ZBTB4: variants seen among roughly 807,000 people sequenced by gnomAD.
The protein encoded by ZBTB4 is zinc finger and BTB domain-containing protein 4.
A neutral mutation model predicts 59.8 loss-of-function variants in ZBTB4; 14 were observed. That is an observed-to-expected ratio of 0.23 (90% confidence interval 0.15 to 0.37). ZBTB4 has a LOEUF of 0.37. Among genes scored for constraint, ZBTB4 ranks in the 10% least tolerant of loss-of-function variants. ZBTB4 has a pLI of 1.00. For missense variants in ZBTB4, 1,198 were observed against 1,380.8 expected, an observed-to-expected ratio of 0.87 and a Z score of 2.10; for synonymous variants, 587 against 575.2, an observed-to-expected ratio of 1.02 and a Z score of -0.29.
chr17:7,459,707 C>T lies in ZBTB4; in HGVS notation c.*2233G>A, dbSNP rs748393027. ...AATACATATATTTTAATCTCCACGT[C>T]GCCACAATCTCATTTGTTGCCCAGA... On this transcript the variant is annotated 3_prime_UTR_variant, in exon 4 of 4. Transcript: ENST00000380599. 3.3e-5 allele frequency: 5 copies of T among 152,446 alleles called. No individual in the cohort carries two copies. The highest frequency in any genetic ancestry group is 2.1e-4 in the South Asian group (1 of 4,828). 9.4% of individuals were successfully genotyped at this position (152,446 alleles called of 1,614,324 possible). A position where few individuals can be genotyped will look rare whatever the true frequency, so the allele number is the denominator to read the frequency against.
intron 1 of ZBTB4, among the ~76,000 whole-genome samples, chr17:7,474,700 G>A (rs1003880489): frequency 6.6e-6 from 1 of 152,098 alleles, no homozygotes; most frequent in Non-Finnish European, 1.5e-5. Context: ...CCTGGAGATA[G>A]GGATGACAAT....
At chr17:7,464,014 C>T in intron 3 of ZBTB4, 124 bp from the exon 4 acceptor site, 1 of 1,466,498 alleles carries the variant, frequency 6.8e-7, no homozygotes, top group Admixed American at 2.6e-5. Context: ...GTGCTGCCTC[C>T]CTCACCAGGC....
chr17:7,475,562 C>T (rs1340747506), intron 1 of ZBTB4, among the ~76,000 whole-genome samples: 2 of 152,024 alleles, frequency 1.3e-5, no homozygotes, highest in Admixed American at 6.6e-5. Flanking sequence ...AGCAATTCTC[C>T]TGCCTCAGCC....
rs760906795 is a variant in ZBTB4 at position 7,463,162 on chromosome 17, C to G, written c.1820G>C (p.Arg607Pro). The G allele has an allele frequency of 6.2e-7, 1 of 1,607,320 alleles. No individual in the cohort carries two copies. The highest frequency in any genetic ancestry group is 1.1e-5 in the South Asian group (1 of 90,440). ...APPPLCQITV[R>P]IGEEAIVKRR... The stretch of plus-strand genomic sequence containing the variant: ...CTTGACGATGGCCTCCTCCCCTATT[C>G]GCACAGTGATCTGACACAGTGGAGG... The change falls in exon 4 of 4, where the codon CGA becomes CCA. Residue 607 changes from arginine to proline, a missense_variant. This residue lies in a region of ZBTB4 where 550 missense variants were observed against 541.8 expected (regional missense o/e 1.02). Transcript: ENST00000380599.
At chr17:7,472,825 G>A (rs2070217017) in intron 1 of ZBTB4, among the ~76,000 whole-genome samples, 1 of 151,392 alleles carries the variant, frequency 6.6e-6, no homozygotes, top group Admixed American at 6.6e-5. Flanking sequence ...TTTATTTTTA[G>A]TAGAGATTGG....
Position 7,461,853 on chromosome 17 carries a change from C to T in ZBTB4, c.*87G>A, listed in dbSNP as rs1179700348. 1.5e-6 allele frequency: 2 copies of T among 1,292,134 alleles called. No individual in the cohort carries two copies. The highest frequency in any genetic ancestry group is 3.0e-5 in the African/African-American group (2 of 66,826). The allele number at this position is 1,292,134 out of a possible 1,614,324, so 80.0% of individuals were successfully genotyped here. On this transcript the variant is annotated 3_prime_UTR_variant, in exon 4 of 4. Coordinates refer to ENST00000380599, the MANE Select transcript of ZBTB4 (RefSeq NM_001128833.2). ...CCTGCACAAGAGTGTGAAGGGGCTCCCAAGGGGCAGGGAGGCCAGGGAGCT... is the reference window on the plus strand; with the variant it reads ...CCTGCACAAGAGTGTGAAGGGGCTCTCAAGGGGCAGGGAGGCCAGGGAGCT...
chr17:7,482,690 C>T (rs758328236), upstream of ZBTB4: 84 of 1,611,918 alleles, frequency 5.2e-5, no homozygotes, highest in Admixed American at 1.8e-4. Flanking sequence ...GGGCTCTGTG[C>T]CAGGCCTCTT....
At chr17:7,477,930 C>A (rs2070290919) in intron 1 of ZBTB4, among the ~76,000 whole-genome samples, 1 of 152,160 alleles carries the variant, frequency 6.6e-6, no homozygotes, top group Non-Finnish European at 1.5e-5. Flanking sequence ...ACAGACCCTG[C>A]AAAGATTAGC....
rs2070131212 is a variant in ZBTB4 at position 7,466,618 on chromosome 17, A to T, written c.184T>A (p.Ser62Thr). The T allele has an allele frequency of 6.2e-7, 1 of 1,613,878 alleles. No homozygotes were observed. Among genetic ancestry groups the T allele is most frequent in the African/African-American group, 1.3e-5 (1 of 75,034 alleles). Reference protein sequence around the residue: ...SPFFREALLTSAPLPLPPATG... With the variant: ...SPFFREALLTTAPLPLPPATG... ...GCTGGTGGAAGGGGTAGTGGGGCTG[A>T]AGTGAGCAGGGCCTCTCTGAAGAAG... Residue 62 changes from serine to threonine, a missense_variant, in exon 3 of 4, where the codon TCA becomes ACA. Ser to Thr is a moderately conservative substitution (Grantham distance 58). Coordinates refer to ENST00000380599, the MANE Select transcript of ZBTB4 (RefSeq NM_001128833.2). The surrounding 1 kb of genome is among the most constrained non-coding windows in gnomAD (Gnocchi z 9.1).
intron 3 of ZBTB4, 53 bp from the exon 4 acceptor site, chr17:7,463,943 G>A (rs1335280961): frequency 6.4e-7 from 1 of 1,558,942 alleles, no homozygotes; most frequent in Non-Finnish European, 8.6e-7. Context: ...TGAGTCAAGG[G>A]CCCTGAAGCC....
rs375136406 is a variant in ZBTB4, at chr17:7,463,615, G to T, written c.1367C>A (p.Pro456Gln). The change falls in exon 4 of 4, where the codon CCG becomes CAG. Residue 456 changes from proline to glutamine, a missense_variant. Physicochemically the swap from Pro to Gln is moderately conservative, Grantham distance 76. Transcript: ENST00000380599. ...CTCTGGGGCAGGTGGAGGCCCAGGC[G>T]GCGGGCTGGCTGGCATTGCCACAGG... ...PAPVAMPASP[P>Q]PGPPPAPEPG... The T allele has an allele frequency of 1.9e-6, 3 of 1,605,686 alleles. No homozygotes were observed. The highest frequency in any genetic ancestry group is 2.7e-5 in the African/African-American group (2 of 74,600).
rs557112177 is a variant in ZBTB4 at position 7,462,713 on chromosome 17, C to T, written c.2269G>A (p.Ala757Thr). ...AHGGGSHSSR[A>T]GRRPSTRFTC... is the part of the protein sequence containing the mutation. ...AAGCGGGTGGAGGGCCTCCGTCCGG[C>T]CCGGGAGCTGTGGGAGCCCCCACCG... Residue 757 changes from alanine to threonine, a missense_variant, in exon 4 of 4, where the codon GCC becomes ACC. Physicochemically the swap from Ala to Thr is moderately conservative, Grantham distance 58 (BLOSUM62 0). This residue lies in a region of ZBTB4 where 550 missense variants were observed against 541.8 expected (regional missense o/e 1.02). Coordinates refer to ENST00000380599, the MANE Select transcript of ZBTB4 (RefSeq NM_001128833.2). This position sits in a 1 kb window ranked among gnomAD's most constrained non-coding sequence, Gnocchi z 7.5. The T allele has an allele frequency of 4.4e-6, 7 of 1,604,330 alleles. No homozygotes were observed. In the African/African-American group the frequency reaches 5.3e-5, roughly 12 times the overall value.
rs1336106713 is a variant in ZBTB4 at position 7,466,753 on chromosome 17, G to A, written c.49C>T (p.Leu17=). ...VTDPSHAPAV[L]RQLNEQRLRG... ...AGCCGCTGTTCATTGAGCTGGCGCA[G>A]GACGGCGGGGGCATGGGACGGGTCC... is the stretch of plus-strand genomic sequence containing the variant. Residue 17 remains leucine, a synonymous_variant, in exon 3 of 4, where the codon CTG becomes TTG. Transcript: ENST00000380599. This position sits in a 1 kb window ranked among gnomAD's most constrained non-coding sequence, Gnocchi z 9.1. 6.3e-7 allele frequency: 1 copy of A among 1,589,982 alleles called. No homozygotes were observed. The highest frequency in any genetic ancestry group is 8.6e-7 in the Non-Finnish European group (1 of 1,169,254).
chr17:7,468,125 G>C (rs1004776503), intron 1 of ZBTB4, among the ~76,000 whole-genome samples: 2 of 152,218 alleles, frequency 1.3e-5, no homozygotes, highest in African/African-American at 2.4e-5. Flanking sequence ...AATCCCAGCA[G>C]TTTGGGAGGC....
chr17:7,461,923 G>C lies in ZBTB4; in HGVS notation c.*17C>G, dbSNP rs2070025481. On this transcript the variant is annotated 3_prime_UTR_variant, in exon 4 of 4. Transcript: ENST00000380599. ...GGGAGGGTGGCATCTGGTGAAAGGG[G>C]GATTGAGCCCCAGGGTTCACCCCAC... 6.6e-7 allele frequency: 1 copy of C among 1,523,326 alleles called. No individual in the cohort carries two copies. The allele number at this position is 1,523,326 out of a possible 1,614,324, so 94.4% of individuals were successfully genotyped here. A position where few individuals can be genotyped will look rare whatever the true frequency, so the allele number is the denominator to read the frequency against.
At chr17:7,483,421 C>A (rs1487189246), upstream of ZBTB4, 1 of 274,136 alleles carries the variant, frequency 3.6e-6, no homozygotes, top group Non-Finnish European at 7.1e-6. Flanking sequence ...GCAAAGGTTT[C>A]CTTTCCTCGT....
upstream of ZBTB4, chr17:7,482,015 C>T (rs2070350838): frequency 3.7e-6 from 6 of 1,607,216 alleles, no homozygotes; most frequent in Admixed American, 1.7e-5. Flanking sequence ...CTTGAACCCG[C>T]CTGACTCCAC....
At chr17:7,478,034 C>T (rs952318711) in intron 1 of ZBTB4, among the ~76,000 whole-genome samples, 18 of 152,246 alleles carry the variant, frequency 1.2e-4, no homozygotes, top group African/African-American at 4.3e-4. Flanking sequence ...CCCTCCGCAG[C>T]CCCACCGCCA....
At chr17:7,475,777 G>C (rs1179810003) in intron 1 of ZBTB4, among the ~76,000 whole-genome samples, 1 of 152,192 alleles carries the variant, frequency 6.6e-6, no homozygotes, top group Non-Finnish European at 1.5e-5. Flanking sequence ...CCGAGGCTCA[G>C]AGAGGGATAT....
Sources: gnomAD v4.1 joint callset for allele counts (sites outside exome capture counted in the v4.1 genomes callset) on GRCh38, gnomAD v4.1.1 for gene constraint, gnomAD v4.1.1 regional missense constraint, Gnocchi (gnomAD v3.1) non-coding constraint, MANE v1.5 for transcripts, NCBI Gene and HGNC (gene_info 2026-07-23, HGNC 2026-07-21) for gene names.